EDNRA: variants seen among roughly 807,000 people sequenced by gnomAD.
EDNRA encodes the protein endothelin receptor type A.
EDNRA carries 11 observed loss-of-function variants against 41.4 expected under a neutral mutation model. The ratio of observed to expected loss-of-function variants is 0.27; its 90% CI spans 0.17 to 0.44. The LOEUF (loss-of-function observed/expected upper bound fraction) is 0.44, where lower values mean the gene tolerates loss of function less well. Among genes scored for constraint, EDNRA ranks in the 20% least tolerant of loss-of-function variants. The pLI is 1.00. For synonymous variants in EDNRA, 172 were observed against 183.0 expected (o/e 0.94, Z 0.49); for missense variants, 294 against 531.0 (o/e 0.55, Z 4.39).
chr4:147,520,101 C>A, intron 3 of EDNRA, 123 bp downstream of exon 3: 1 of 1,272,156 alleles, frequency 7.9e-7, no homozygotes, highest in Non-Finnish European at 1.1e-6. Context: ...TGAATTAAAG[C>A]ATTAACCATC....
At chr4:147,523,231 C>T (rs1730387537) in intron 3 of EDNRA, among the ~76,000 whole-genome samples, 1 of 152,154 alleles carries the variant, frequency 6.6e-6, no homozygotes, top group Non-Finnish European at 1.5e-5. Context: ...TTAAATCTCT[C>T]CTGGATCAGG....
intron 1 of EDNRA, among the ~76,000 whole-genome samples, chr4:147,484,296 G>A (rs1446731587): frequency 2.0e-5 from 3 of 152,090 alleles, no homozygotes; most frequent in African/African-American, 7.2e-5. Context: ...CACACCAGAT[G>A]GTCTTTGAAA....
chr4:147,530,468 T>A (rs1035301573), intron 3 of EDNRA, among the ~76,000 whole-genome samples: 3 of 152,216 alleles, frequency 2.0e-5, no homozygotes, highest in African/African-American at 7.2e-5. Context: ...CATAAAAGGA[T>A]TTTCTTGGTC....
At chr4:147,483,112 C>G (rs1728828862) in intron 1 of EDNRA, among the ~76,000 whole-genome samples, 2 of 152,126 alleles carry the variant, frequency 1.3e-5, no homozygotes, top group South Asian at 2.1e-4. Flanking sequence ...CTGGTGTTCC[C>G]TTTGGAATGG....
chr4:147,510,905 A>G (rs1343676831), intron 2 of EDNRA, among the ~76,000 whole-genome samples: 2 of 152,254 alleles, frequency 1.3e-5, no homozygotes, highest in Non-Finnish European at 2.9e-5. Context: ...TAATAGTTTC[A>G]GATAAACTAG....
At chr4:147,536,763 G>T (rs188627859) in intron 5 of EDNRA, among the ~76,000 whole-genome samples, 1 of 152,320 alleles carries the variant, frequency 6.6e-6, no homozygotes, top group Admixed American at 6.5e-5. Context: ...ATTTGAACAT[G>T]TCAATAGGAG....
At chr4:147,483,348 T>G (rs1728837137) in intron 1 of EDNRA, among the ~76,000 whole-genome samples, 1 of 152,238 alleles carries the variant, frequency 6.6e-6, no homozygotes, top group Non-Finnish European at 1.5e-5. Context: ...TTTGAAACCT[T>G]GACCTAAATA....
intron 7 of EDNRA, 89 bp from the exon 8 acceptor site, chr4:147,542,389 G>A: frequency 6.4e-7 from 1 of 1,554,614 alleles, no homozygotes; most frequent in Non-Finnish European, 8.7e-7. Context: ...ATGGACATTT[G>A]CCCCTCATTA....
chr4:147,537,519 G>A (rs1428664988), intron 5 of EDNRA, among the ~76,000 whole-genome samples: 4 of 152,050 alleles, frequency 2.6e-5, no homozygotes, highest in African/African-American at 9.7e-5. Flanking sequence ...CCATGATTGA[G>A]CCTGTTTAAG....
chr4:147,532,230 G>A (rs1730772590), intron 3 of EDNRA, among the ~76,000 whole-genome samples: 3 of 149,470 alleles, frequency 2.0e-5, no homozygotes, highest in Non-Finnish European at 4.4e-5. Context: ...GGAGGCTGAG[G>A]CAGGAGAATG....
At chr4:147,520,336 T>C in intron 3 of EDNRA, 1 of 501,070 alleles carries the variant, frequency 2.0e-6, no homozygotes. Flanking sequence ...AAAAAGATAC[T>C]GTTCAATTAT....
At chr4:147,516,682 C>A (rs182038498) in intron 2 of EDNRA, among the ~76,000 whole-genome samples, 1 of 152,104 alleles carries the variant, frequency 6.6e-6, no homozygotes, top group Non-Finnish European at 1.5e-5. Context: ...TGAACCAATA[C>A]GACTCGTCAG....
At chr4:147,540,309 G>T in intron 6 of EDNRA, 68 bp from the exon 7 acceptor site, 1 of 1,256,540 alleles carries the variant, frequency 8.0e-7, no homozygotes, top group South Asian at 1.4e-5. Flanking sequence ...ATTCTAGGAA[G>T]AAATGCTAGT....
rs931624322 is a variant in EDNRA at position 147,544,858 on chromosome 4, T to C, written c.*2240T>C. The C allele has an allele frequency of 2.0e-5, 3 of 152,656 alleles. No individual in the cohort carries two copies. The highest frequency in any genetic ancestry group is 7.2e-5 in the African/African-American group (3 of 41,462). 9.5% of individuals were successfully genotyped at this position (152,656 alleles called of 1,614,324 possible). On this transcript the variant is annotated 3_prime_UTR_variant, in exon 8 of 8. Coordinates refer to ENST00000651419, the MANE Select transcript of EDNRA (RefSeq NM_001957.4). ...ATTTCCAATTTCTACCTTTACTACA[T>C]CTTTTCAACAAGTAACTTTGTAGAA...
At chr4:147,542,427 C>A in intron 7 of EDNRA, 51 bp from the exon 8 acceptor site, 1 of 1,610,320 alleles carries the variant, frequency 6.2e-7, no homozygotes, top group South Asian at 1.1e-5. Context: ...TGTGTTTGGC[C>A]GGGAATGGGC....
chr4:147,520,025 A>C, intron 3 of EDNRA, 47 bp downstream of exon 3: 3 of 1,561,680 alleles, frequency 1.9e-6, no homozygotes, highest in Non-Finnish European at 2.6e-6. Context: ...TTAGAAAAGC[A>C]TTTTTCTCAA....
At chr4:147,539,457 A>C (rs988287649) in intron 5 of EDNRA, among the ~76,000 whole-genome samples, 1 of 151,252 alleles carries the variant, frequency 6.6e-6, no homozygotes, top group Non-Finnish European at 1.5e-5. Context: ...ACTCCACCCC[A>C]CTACACACAC....
chr4:147,511,067 C>T (rs1372049244), intron 2 of EDNRA, among the ~76,000 whole-genome samples: 3 of 152,192 alleles, frequency 2.0e-5, no homozygotes, highest in Non-Finnish European at 4.4e-5. Context: ...TGGAAGCCAG[C>T]ATTTCTAACT....
At chr4:147,511,548 T>G (rs76088558) in intron 2 of EDNRA, among the ~76,000 whole-genome samples, 3,116 of 152,316 alleles carry the variant, frequency 0.02, 117 homozygotes, top group African/African-American at 0.071. Context: ...GAACTTAAGT[T>G]TCTTCAGAAC....
Sources: allele counts gnomAD v4.1 joint callset (sites outside exome capture counted in the v4.1 genomes callset), GRCh38; gene constraint gnomAD v4.1.1; transcripts MANE v1.5; gene names NCBI Gene and HGNC (gene_info 2026-07-23, HGNC 2026-07-21).